Variants in CSMD3 observed in about 807,000 individuals in gnomAD.
CSMD3 encodes CUB and Sushi multiple domains 3.
In CSMD3, 177 loss-of-function variants were observed where a neutral mutation model predicts 435.2. The ratio of observed to expected loss-of-function variants is 0.41; its 90% CI spans 0.36 to 0.46. CSMD3 has a LOEUF of 0.46. Ranked by LOEUF, CSMD3 falls within the 20% of genes least tolerant of loss-of-function variation. The pLI is 0.34. For missense variants in CSMD3, 4,265 were observed against 4,504.6 expected (o/e 0.95, Z 1.52); for synonymous variants, 1,656 against 1,520.5 (o/e 1.09, Z -2.07).
chr8:113,344,596 T>A (rs1329714765), intron 1 of CSMD3, among the ~76,000 whole-genome samples: 1 of 152,166 alleles, frequency 6.6e-6, no homozygotes, highest in Non-Finnish European at 1.5e-5. Context: ...AATTTATACC[T>A]AAGTTGGCAT....
chr8:112,630,290 G>C (rs2074477905), intron 22 of CSMD3, among the ~76,000 whole-genome samples: 1 of 152,064 alleles, frequency 6.6e-6, no homozygotes, highest in African/African-American at 2.4e-5. Flanking sequence ...AATTAGATGA[G>C]AGAAAGCTGG....
intron 22 of CSMD3, among the ~76,000 whole-genome samples, chr8:112,601,363 T>C (rs1832336223): frequency 6.6e-6 from 1 of 152,188 alleles, no homozygotes; most frequent in East Asian, 1.9e-4. Context: ...GATCACATAA[T>C]GGGTGAACTT....
chr8:112,224,412 C>G lies in CSMD3; in HGVS notation c.*359G>C. On this transcript the variant is annotated 3_prime_UTR_variant, in exon 71 of 71. Transcript: ENST00000297405. ...TATAGCTCTTATTTCTACCCTATAT[C>G]TTTTTTTTTAAACCCAGTCCCTCTA... The G allele has an allele frequency of 3.3e-6, 1 of 303,764 alleles. No homozygotes were observed. Among genetic ancestry groups the G allele is most frequent in the Non-Finnish European group, 6.4e-6 (1 of 155,602 alleles). 18.8% of individuals were successfully genotyped at this position (303,764 alleles called of 1,614,324 possible). A position where few individuals can be genotyped will look rare whatever the true frequency, so the allele number is the denominator to read the frequency against.
At chr8:112,714,942 T>G (rs557202649) in intron 13 of CSMD3, among the ~76,000 whole-genome samples, 70 of 152,252 alleles carry the variant, frequency 4.6e-4, no homozygotes, top group Non-Finnish European at 6.9e-4. Flanking sequence ...GATGGAAATT[T>G]ATAACACTAA....
At chr8:112,583,069 G>A (rs996186422) in intron 23 of CSMD3, among the ~76,000 whole-genome samples, 3 of 152,110 alleles carry the variant, frequency 2.0e-5, no homozygotes, top group South Asian at 2.1e-4. Flanking sequence ...TAGAAACAAT[G>A]TCAGTTATCC....
chr8:113,272,627 G>C (rs560634397), intron 3 of CSMD3, among the ~76,000 whole-genome samples: 25 of 152,262 alleles, frequency 1.6e-4, no homozygotes, highest in African/African-American at 5.3e-4. Context: ...TGGAACAACT[G>C]TAAGTCCAAT....
intron 41 of CSMD3, among the ~76,000 whole-genome samples, chr8:112,344,129 G>A (rs7012257): frequency 0.39 from 59,753 of 151,878 alleles, 13,327 homozygotes; most frequent in Middle Eastern, 0.53. Flanking sequence ...TGATCTGCCC[G>A]CATCAGCCTC....
At chr8:113,016,631 G>C (rs2086470354) in intron 6 of CSMD3, among the ~76,000 whole-genome samples, 1 of 151,686 alleles carries the variant, frequency 6.6e-6, no homozygotes, top group Non-Finnish European at 1.5e-5. Context: ...TGAGTACTCG[G>C]TAAATATATG....
intron 63 of CSMD3, among the ~76,000 whole-genome samples, 172 bp downstream of exon 63, chr8:112,254,081 T>C (rs1815547315): frequency 6.6e-6 from 1 of 152,044 alleles, no homozygotes; most frequent in Non-Finnish European, 1.5e-5. Flanking sequence ...AAAAAAATTT[T>C]TTTTTCTAAT....
chr8:112,928,622 A>AT (rs1323507819), intron 9 of CSMD3, among the ~76,000 whole-genome samples: 1 of 149,990 alleles, frequency 6.7e-6, no homozygotes, highest in Non-Finnish European at 1.5e-5. Flanking sequence ...TGAACTCATC[A>AT]TTTTTTATGG....
At chr8:113,111,974 C>T (rs1228323833) in intron 4 of CSMD3, among the ~76,000 whole-genome samples, 1 of 152,080 alleles carries the variant, frequency 6.6e-6, no homozygotes, top group Non-Finnish European at 1.5e-5. Flanking sequence ...AGCCACTGCG[C>T]CTGGCTGTGT....
intron 3 of CSMD3, among the ~76,000 whole-genome samples, chr8:113,216,746 T>C (rs2092910726): frequency 6.6e-6 from 1 of 151,894 alleles, no homozygotes; most frequent in South Asian, 2.1e-4. Flanking sequence ...ATGCAGAGTA[T>C]CTGGCTCCTT....
intron 10 of CSMD3, among the ~76,000 whole-genome samples, chr8:112,886,092 G>A (rs2081588298): frequency 1.3e-5 from 2 of 151,558 alleles, no homozygotes; most frequent in African/African-American, 2.4e-5. Context: ...CAAAATATCA[G>A]GATTCTGTGG....
intron 1 of CSMD3, among the ~76,000 whole-genome samples, chr8:113,345,786 A>G (rs1771458643): frequency 6.6e-6 from 1 of 152,150 alleles, no homozygotes; most frequent in Non-Finnish European, 1.5e-5. Flanking sequence ...TTGAAGAGAC[A>G]GGCACAGTAA....
At chr8:113,378,425 A>G (rs1170552918) in intron 1 of CSMD3, among the ~76,000 whole-genome samples, 1 of 152,188 alleles carries the variant, frequency 6.6e-6, no homozygotes, top group East Asian at 1.9e-4. Flanking sequence ...AATATTATAT[A>G]AGTAAACATT....
At chr8:112,707,490 G>C (rs1047789317) in intron 13 of CSMD3, among the ~76,000 whole-genome samples, 11 of 151,546 alleles carry the variant, frequency 7.3e-5, no homozygotes, top group Admixed American at 2.6e-4. Context: ...CGGCGGGAGG[G>C]GGGTGGTTCC....
intron 1 of CSMD3, among the ~76,000 whole-genome samples, chr8:113,347,820 G>A (rs1252677125): frequency 1.3e-5 from 2 of 152,006 alleles, no homozygotes; most frequent in Non-Finnish European, 2.9e-5. Flanking sequence ...GTATTTCAAA[G>A]GATGATGAAA....
At chr8:113,012,942 G>C (rs749992454) in intron 6 of CSMD3, among the ~76,000 whole-genome samples, 1 of 152,034 alleles carries the variant, frequency 6.6e-6, no homozygotes, top group East Asian at 1.9e-4. Context: ...TGACTAGAAT[G>C]GTGGGATATA....
chr8:112,500,937 A>G (rs1344230068), intron 30 of CSMD3, among the ~76,000 whole-genome samples: 1 of 152,012 alleles, frequency 6.6e-6, no homozygotes, highest in East Asian at 1.9e-4. Flanking sequence ...CCTTCCCCGC[A>G]CACTATGTAA....
Sources: allele counts gnomAD v4.1 joint callset (sites outside exome capture counted in the v4.1 genomes callset), GRCh38; gene constraint gnomAD v4.1.1; transcripts MANE v1.5; gene names NCBI Gene and HGNC (gene_info 2026-07-23, HGNC 2026-07-21).